GRID2: variants seen among roughly 807,000 people sequenced by gnomAD.
GRID2 encodes glutamate receptor ionotropic, delta-2.
Under a neutral mutation model 114.8 loss-of-function variants are expected in GRID2, and 33 were observed. The ratio of observed to expected loss-of-function variants is 0.29; its 90% CI spans 0.22 to 0.38. The LOEUF is 0.38. GRID2 is among the 10% of genes least tolerant of loss of function. GRID2 has a pLI of 1.00. For synonymous variants in GRID2, 505 were observed against 449.9 expected (o/e 1.12, Z -1.55); for missense variants, 1,184 against 1,257.7 (o/e 0.94, Z 0.89).
At chr4:92,399,418 A>G (rs1416525021) in intron 1 of GRID2, among the ~76,000 whole-genome samples, 1 of 152,130 alleles carries the variant, frequency 6.6e-6, no homozygotes, top group South Asian at 2.1e-4. Flanking sequence ...CCTGTGAAAC[A>G]TTCTGGTTGT....
chr4:92,351,196 G>A (rs1000186813), intron 1 of GRID2, among the ~76,000 whole-genome samples: 7 of 151,812 alleles, frequency 4.6e-5, no homozygotes, highest in African/African-American at 1.7e-4. Flanking sequence ...ATACCAAGGA[G>A]TAGAATTTCT....
intron 4 of GRID2, among the ~76,000 whole-genome samples, chr4:93,142,938 T>C (rs1413718753): frequency 2.6e-5 from 4 of 152,192 alleles, no homozygotes; most frequent in Admixed American, 6.5e-5. Context: ...AGCATTCACG[T>C]TGGTTTCACA....
chr4:93,280,739 T>C lies in GRID2; in HGVS notation c.1245+42249T>C, dbSNP rs1752560724. Among the ~76,000 whole-genome samples, 3 of 152,006 alleles carry C rather than the reference T, an allele frequency of 2.0e-5. No individual in the cohort carries two copies. In the Admixed American group the frequency reaches 2.0e-4, roughly 10 times the overall value. ...ACAGTCAACCACTTTTAGTGATCTC[T>C]TAAGAATCTTGAAGAAAATCTAATT... On this transcript the variant is annotated intron_variant, in intron 8 of 15. Transcript: ENST00000282020.
At chr4:93,305,962 C>T (rs982572611) in intron 8 of GRID2, 12 of 152,180 alleles carry the variant, frequency 7.9e-5, no homozygotes, top group African/African-American at 2.9e-4. Context: ...GAAATTAATT[C>T]CCATAGGACT....
At chr4:93,495,121 C>T (rs1294707103) in intron 12 of GRID2, among the ~76,000 whole-genome samples, 2 of 151,742 alleles carry the variant, frequency 1.3e-5, no homozygotes, top group African/African-American at 4.8e-5. Context: ...GGGATCCCAA[C>T]ATCCCACCAT....
intron 9 of GRID2, among the ~76,000 whole-genome samples, chr4:93,406,456 T>C (rs1476803923): frequency 6.6e-6 from 1 of 152,096 alleles, no homozygotes; most frequent in African/African-American, 2.4e-5. Flanking sequence ...TGTTGTAAAT[T>C]AGAGGGAGCT....
At chr4:93,738,297 G>T (rs13129238) in intron 14 of GRID2, among the ~76,000 whole-genome samples, 47,497 of 152,020 alleles carry the variant, frequency 0.31, 7,904 homozygotes, top group Middle Eastern at 0.45. Flanking sequence ...AAGTGCAGTA[G>T]GAATCCATAT....
intron 1 of GRID2, among the ~76,000 whole-genome samples, chr4:92,494,113 T>C (rs917587541): frequency 3.3e-5 from 5 of 152,152 alleles, no homozygotes; most frequent in Non-Finnish European, 5.9e-5. Flanking sequence ...CATCTGCTAT[T>C]GAGAAAATTT....
intron 4 of GRID2, among the ~76,000 whole-genome samples, chr4:93,206,063 A>G (rs1742729633): frequency 6.6e-6 from 1 of 152,000 alleles, no homozygotes; most frequent in African/African-American, 2.4e-5. Context: ...TAAAACTTAA[A>G]GTATAATAAT....
chr4:93,058,647 G>A (rs929418791), intron 2 of GRID2, among the ~76,000 whole-genome samples: 2 of 151,770 alleles, frequency 1.3e-5, no homozygotes, highest in Non-Finnish European at 2.9e-5. Flanking sequence ...AAATAGAAAA[G>A]TTCTCCAAAC....
At chr4:92,399,395 C>T (rs12710869) in intron 1 of GRID2, among the ~76,000 whole-genome samples, 54,250 of 151,968 alleles carry the variant, frequency 0.36, 10,458 homozygotes, top group East Asian at 0.71. Flanking sequence ...CACTAACAGC[C>T]GTTGAGCTTT....
intron 2 of GRID2, among the ~76,000 whole-genome samples, chr4:92,896,139 A>C (rs781309001): frequency 1.3e-5 from 2 of 152,216 alleles, no homozygotes; most frequent in Non-Finnish European, 2.9e-5. Flanking sequence ...CAATTCCATA[A>C]GTACTAAAAA....
chr4:92,459,269 T>C (rs1043997745), intron 1 of GRID2, among the ~76,000 whole-genome samples: 1 of 152,194 alleles, frequency 6.6e-6, no homozygotes, highest in African/African-American at 2.4e-5. Context: ...GTCATATAAT[T>C]GTTATAAATA....
chr4:93,175,600 G>T (rs1278821734), intron 4 of GRID2, among the ~76,000 whole-genome samples: 1 of 151,842 alleles, frequency 6.6e-6, no homozygotes, highest in African/African-American at 2.4e-5. Flanking sequence ...CAAAAATTTT[G>T]GTCAAGGGAT....
At chr4:92,433,676 A>G (rs1427148952) in intron 1 of GRID2, among the ~76,000 whole-genome samples, 1 of 152,150 alleles carries the variant, frequency 6.6e-6, no homozygotes, top group African/African-American at 2.4e-5. Context: ...ATATAATGTT[A>G]CAACCAGGTA....
intron 2 of GRID2, among the ~76,000 whole-genome samples, chr4:92,688,117 T>C (rs1195640428): frequency 6.9e-6 from 1 of 145,342 alleles, no homozygotes; most frequent in African/African-American, 2.5e-5. Flanking sequence ...TGGTGCCATG[T>C]TGGCTCACTG....
At chr4:92,701,593 T>G (rs892748816) in intron 2 of GRID2, among the ~76,000 whole-genome samples, 2 of 152,146 alleles carry the variant, frequency 1.3e-5, no homozygotes, top group Non-Finnish European at 2.9e-5. Flanking sequence ...GTGTTCTATC[T>G]ACGATGTGTG....
chr4:93,024,435 T>C (rs1723689064), intron 2 of GRID2, among the ~76,000 whole-genome samples: 1 of 151,812 alleles, frequency 6.6e-6, no homozygotes, highest in African/African-American at 2.4e-5. Flanking sequence ...TAGCTGTAAA[T>C]TTATTGACTT....
chr4:92,744,262 G>A (rs1166162877), intron 2 of GRID2, among the ~76,000 whole-genome samples: 2 of 152,008 alleles, frequency 1.3e-5, no homozygotes, highest in Non-Finnish European at 2.9e-5. Flanking sequence ...GGCCAAGGTG[G>A]GCAGATCATG....
Sources: allele counts gnomAD v4.1 joint callset (sites outside exome capture counted in the v4.1 genomes callset), GRCh38; gene constraint gnomAD v4.1.1; transcripts MANE v1.5; gene names NCBI Gene and HGNC (gene_info 2026-07-23, HGNC 2026-07-21).